Variants in AKIRIN2 observed in about 807,000 individuals in gnomAD.
The protein encoded by AKIRIN2 is akirin-2.
A neutral mutation model predicts 29.3 loss-of-function variants in AKIRIN2; 6 were observed. The ratio of observed to expected loss-of-function variants is 0.20; its 90% CI spans 0.11 to 0.40. The LOEUF (loss-of-function observed/expected upper bound fraction) is 0.40. Among genes scored for constraint, AKIRIN2 ranks in the 10% least tolerant of loss-of-function variants. The pLI is 1.00. For synonymous variants in AKIRIN2, 128 were observed against 117.5 expected (o/e 1.09, Z -0.58); for missense variants, 210 against 276.1 (o/e 0.76, Z 1.70).
At chr6:87,701,232 C>CT (rs1271747176) in intron 1 of AKIRIN2, among the ~76,000 whole-genome samples, 1 of 152,170 alleles carries the variant, frequency 6.6e-6, no homozygotes, top group African/African-American at 2.4e-5. Context: ...CCCTACCCAC[C>CT]TCCAAACACT....
intron 3 of AKIRIN2, among the ~76,000 whole-genome samples, chr6:87,677,220 TAA>T (rs1359565481): frequency 6.6e-6 from 1 of 152,142 alleles, no homozygotes; most frequent in Non-Finnish European, 1.5e-5. Context: ...AAACACTACC[TAA>T]AACCTGATCA....
At chr6:87,695,577 G>C (rs1206457571) in intron 1 of AKIRIN2, among the ~76,000 whole-genome samples, 5 of 152,134 alleles carry the variant, frequency 3.3e-5, no homozygotes, top group Admixed American at 6.5e-5. Context: ...TGAATCAACA[G>C]TGCTAGGCAT....
In AKIRIN2 at chr6:87,692,132, G is replaced by A. The variant is rs114190159; in HGVS notation, c.235+9318C>T. ...ATACTAGAACAGGACAGGCTCAAAT[G>A]TCAGTAGTGCTGGTACTAAAAACAA... is the stretch of plus-strand genomic sequence containing the variant. On this transcript the variant is annotated intron_variant, in intron 1 of 4. Transcript: ENST00000257787. Among the ~76,000 whole-genome samples the A allele has an allele frequency of 9.4e-3, 1,424 of 152,292 alleles. 11 individuals are homozygous for A. Among genetic ancestry groups the A allele is most frequent in the African/African-American group, 0.031 (1,300 of 41,556 alleles).
At chr6:87,684,640 T>C (rs188476530) in intron 1 of AKIRIN2, among the ~76,000 whole-genome samples, 4 of 152,184 alleles carry the variant, frequency 2.6e-5, no homozygotes, top group Admixed American at 2.6e-4. Context: ...GAGTGTAGAC[T>C]TTTATGTCTG....
At chr6:87,685,448 A>G (rs776028794) in intron 1 of AKIRIN2, among the ~76,000 whole-genome samples, 2 of 152,250 alleles carry the variant, frequency 1.3e-5, no homozygotes, top group East Asian at 3.8e-4. Flanking sequence ...GTCTTAAGCT[A>G]CTTAGATCTG....
Position 87,701,433 on chromosome 6 carries a change from G to A in AKIRIN2, c.235+17C>T. The A allele has an allele frequency of 6.5e-7, 1 of 1,530,460 alleles. No homozygotes were observed. Among genetic ancestry groups the A allele is most frequent in the Non-Finnish European group, 8.8e-7 (1 of 1,140,884 alleles). 94.8% of individuals were successfully genotyped at this position (1,530,460 alleles called of 1,614,324 possible). On this transcript the variant is annotated intron_variant, in intron 1 of 4. Transcript: ENST00000257787. ...AGTTCTCTCCACTACCCCGGCGGCC[G>A]CGGGGCCGGGTCCCACCTGTGGTGA... is the stretch of plus-strand genomic sequence containing the variant.
At chr6:87,695,435 G>T (rs1329231986) in intron 1 of AKIRIN2, among the ~76,000 whole-genome samples, 1 of 152,184 alleles carries the variant, frequency 6.6e-6, no homozygotes, top group Non-Finnish European at 1.5e-5. Flanking sequence ...CTTGGGAAAT[G>T]TCAAGACTTA....
intron 1 of AKIRIN2, among the ~76,000 whole-genome samples, chr6:87,691,995 G>T (rs955711160): frequency 6.6e-6 from 1 of 152,182 alleles, no homozygotes; most frequent in African/African-American, 2.4e-5. Flanking sequence ...CAAAAGCAAA[G>T]ATCCAATTGA....
Position 87,701,442 on chromosome 6 carries a change from G to C in AKIRIN2, c.235+8C>G. ...CACTACCCCGGCGGCCGCGGGGCCG[G>C]GTCCCACCTGTGGTGAGGCGGGAGG... On this transcript the variant is annotated splice_region_variant and intron_variant, in intron 1 of 4. Coordinates refer to ENST00000257787, the MANE Select transcript of AKIRIN2 (RefSeq NM_018064.4). 6.5e-7 allele frequency: 1 copy of C among 1,531,194 alleles called. No individual in the cohort carries two copies. The highest frequency in any genetic ancestry group is 1.2e-5 in the South Asian group (1 of 83,538). 94.9% of individuals were successfully genotyped at this position (1,531,194 alleles called of 1,614,324 possible). A position where few individuals can be genotyped will look rare whatever the true frequency, so the allele number is the denominator to read the frequency against.
At chr6:87,698,010 C>A (rs1771398837) in intron 1 of AKIRIN2, among the ~76,000 whole-genome samples, 13 of 152,100 alleles carry the variant, frequency 8.5e-5, no homozygotes, top group Admixed American at 8.5e-4. Context: ...TATTAAAATT[C>A]TTTCTTGGGA....
intron 1 of AKIRIN2, among the ~76,000 whole-genome samples, chr6:87,691,644 T>A (rs2787923): frequency 0.055 from 8,391 of 152,132 alleles, 259 homozygotes; most frequent in East Asian, 0.095. Context: ...CAAGGTTTAA[T>A]GCCCAGGTAA....
intron 2 of AKIRIN2, among the ~76,000 whole-genome samples, chr6:87,680,114 AG>A (rs771805638): frequency 2.0e-5 from 3 of 152,184 alleles, no homozygotes; most frequent in African/African-American, 4.8e-5. Flanking sequence ...AAGTAAAGTG[AG>A]TAAGGAAATA....
chr6:87,675,961 T>C (rs1198217099), intron 3 of AKIRIN2, 30 bp from the exon 4 acceptor site: 1 of 1,576,662 alleles, frequency 6.3e-7, no homozygotes, highest in East Asian at 2.2e-5. Flanking sequence ...TCAATTACAT[T>C]TGTAAAATGC....
At chr6:87,683,647 G>C (rs982956662) in intron 1 of AKIRIN2, among the ~76,000 whole-genome samples, 1 of 151,922 alleles carries the variant, frequency 6.6e-6, no homozygotes, top group Non-Finnish European at 1.5e-5. Context: ...ACAATCTAAA[G>C]GGTTTTTCTT....
At chr6:87,676,474 A>G (rs1376926276) in intron 3 of AKIRIN2, among the ~76,000 whole-genome samples, 8 of 91,292 alleles carry the variant, frequency 8.8e-5, no homozygotes, top group South Asian at 3.6e-4. Flanking sequence ...AAAAAAAACG[A>G]GGCCGGGCGC....
At chr6:87,680,953 CA>C (rs927556514) in intron 2 of AKIRIN2, among the ~76,000 whole-genome samples, 1 of 151,974 alleles carries the variant, frequency 6.6e-6, no homozygotes, top group African/African-American at 2.4e-5. Flanking sequence ...ACTATACCAG[CA>C]AAACTTCTAA....
At chr6:87,690,221 CA>C (rs111319664) in intron 1 of AKIRIN2, among the ~76,000 whole-genome samples, 1,799 of 148,704 alleles carry the variant, frequency 0.012, 38 homozygotes, top group African/African-American at 0.041. Context: ...AAAAAAAAAC[CA>C]AAAAAACAAA....
In AKIRIN2 at chr6:87,679,342, T is replaced by C. The variant is rs139746120; in HGVS notation, c.380-1375A>G. Among the ~76,000 whole-genome samples the C allele has an allele frequency of 6.8e-4, 97 of 143,302 alleles. 3 individuals carry two copies. The East Asian group carries it at 0.018, about 27-fold the overall frequency. The allele number at this position is 143,302 out of a possible 152,430, so 94.0% of individuals were successfully genotyped here. A position where few individuals can be genotyped will look rare whatever the true frequency, so the allele number is the denominator to read the frequency against. ...GAGCTAAAGGCCAGCCTGCGCAACA[T>C]GGCAAACCATGTCTCTAATAAAAAT... On this transcript the variant is annotated intron_variant, in intron 2 of 4. Transcript: ENST00000257787.
At chr6:87,681,275 T>C (rs1413756145) in intron 2 of AKIRIN2, among the ~76,000 whole-genome samples, 1 of 152,124 alleles carries the variant, frequency 6.6e-6, no homozygotes, top group Non-Finnish European at 1.5e-5. Context: ...TGACCTCAAG[T>C]GACCTGTCTA....
Sources: gnomAD v4.1 joint callset for allele counts (sites outside exome capture counted in the v4.1 genomes callset) on GRCh38, gnomAD v4.1.1 for gene constraint, MANE v1.5 for transcripts, NCBI Gene and HGNC (gene_info 2026-07-23, HGNC 2026-07-21) for gene names.